The following DAO variants were observed in gnomAD, a reference collection of about 807,000 sequenced individuals.
DAO encodes D-amino-acid oxidase.
Under a neutral mutation model 50.1 loss-of-function variants are expected in DAO, and 51 were observed. The observed-to-expected ratio is 1.02, with a 90% CI of 0.81 to 1.29. The LOEUF (loss-of-function observed/expected upper bound fraction) is 1.29. DAO is among the 50% of genes most tolerant of loss of function. The pLI, the probability that DAO is intolerant of heterozygous loss-of-function variation, is 0.00. For synonymous variants in DAO, 160 were observed against 166.2 expected (o/e 0.96, Z 0.29); for missense variants, 436 against 439.4 (o/e 0.99, Z 0.07).
At chr12:108,891,846 T>A (rs1157325697) in intron 5 of DAO, among the ~76,000 whole-genome samples, 1 of 152,134 alleles carries the variant, frequency 6.6e-6, no homozygotes, top group Non-Finnish European at 1.5e-5. Flanking sequence ...GCAATCTTCC[T>A]GCCTCAGCCT....
At position 108,886,450 on chromosome 12, in the gene DAO, C is replaced by T. The variant is rs2039437040; in HGVS notation, c.195-1000C>T. Among the ~76,000 whole-genome samples, 7 of 152,066 alleles carry T rather than the reference C, an allele frequency of 4.6e-5. No individual in the cohort carries two copies. The South Asian group carries it at 1.5e-3, about 32-fold the overall frequency. On this transcript the variant is annotated intron_variant, in intron 2 of 10. Transcript: ENST00000228476. Reference sequence around the variant, plus strand: ...CCAGATGGTTCAGCAAATGGAACACCCAATGAATAGCAGCTCAAACAGATT... The same window carrying T: ...CCAGATGGTTCAGCAAATGGAACACTCAATGAATAGCAGCTCAAACAGATT...
At chr12:108,891,592 T>C (rs1407606462) in intron 5 of DAO, among the ~76,000 whole-genome samples, 1 of 152,066 alleles carries the variant, frequency 6.6e-6, no homozygotes, top group Non-Finnish European at 1.5e-5. Context: ...GTTCATAAAT[T>C]TGCTTTTTTT....
rs1267263521 is a variant in DAO, at chr12:108,881,505, ACACACG to A, written c.-10+1282_-10+1287del. On this transcript the variant is annotated intron_variant, in intron 1 of 10. Transcript: ENST00000228476. ...CACACACACACACACACACACACAC[ACACACG>A]TTGCTATAATCAGTGTCAACTTTGA... 1.8e-3 allele frequency among the ~76,000 whole-genome samples: 232 copies of A among 128,990 alleles called. 1 individual carries two copies. Among genetic ancestry groups the A allele is most frequent in the South Asian group, 8.6e-3 (31 of 3,584 alleles). The allele number at this position is 128,990 out of a possible 152,430, so 84.6% of individuals were successfully genotyped here.
intron 1 of DAO, among the ~76,000 whole-genome samples, chr12:108,881,609 T>C (rs920329773): frequency 1.5e-4 from 23 of 148,830 alleles, no homozygotes; most frequent in African/African-American, 5.2e-4. Context: ...AAATTTTTTT[T>C]TTTTTTTTTT....
At chr12:108,884,464 G>A (rs2039412430) in intron 1 of DAO, among the ~76,000 whole-genome samples, 1 of 152,204 alleles carries the variant, frequency 6.6e-6, no homozygotes, top group South Asian at 2.1e-4. Flanking sequence ...CTCACAGTAG[G>A]TGCTCCACAA....
intron 3 of DAO, 52 bp from the exon 4 acceptor site, chr12:108,889,417 A>G: frequency 7.7e-7 from 1 of 1,299,844 alleles, no homozygotes; most frequent in Non-Finnish European, 1.1e-6. Flanking sequence ...GCCCATTATC[A>G]TTATTATTGA....
At chr12:108,882,088 G>A (rs2039387624) in intron 1 of DAO, among the ~76,000 whole-genome samples, 1 of 152,150 alleles carries the variant, frequency 6.6e-6, no homozygotes, top group Admixed American at 6.6e-5. Flanking sequence ...TTACTGGCAA[G>A]CATGGCATTT....
intron 5 of DAO, among the ~76,000 whole-genome samples, chr12:108,891,375 G>A (rs754212335): frequency 2.6e-5 from 4 of 151,232 alleles, no homozygotes; most frequent in East Asian, 2.0e-4. Context: ...GCTTTATCCC[G>A]GGAAGGAGAG....
At chr12:108,881,162 TCACACACACACACA>T (rs66697500) in intron 1 of DAO, among the ~76,000 whole-genome samples, 45 of 139,330 alleles carry the variant, frequency 3.2e-4, no homozygotes, top group African/African-American at 9.6e-4. Context: ...GACATTCTAA[TCACACACACACACA>T]CACACACACA....
At position 108,898,538 on chromosome 12, in the gene DAO, G is replaced by C. The variant is rs527758752; in HGVS notation, c.696-141G>C. On this transcript the variant is annotated intron_variant, in intron 8 of 10. Transcript: ENST00000228476. ...AGTGGTGATGGAAGAGTTCGTTGTT[G>C]GTGTTGATGGTGATGACAGTGGCAA... is the stretch of plus-strand genomic sequence containing the variant. The C allele has an allele frequency of 1.5e-5, 11 of 756,614 alleles. No homozygotes were observed. In the East Asian group the frequency reaches 2.7e-4, roughly 19 times the overall value. 46.9% of individuals were successfully genotyped at this position (756,614 alleles called of 1,614,324 possible). A position where few individuals can be genotyped will look rare whatever the true frequency, so the allele number is the denominator to read the frequency against.
intron 2 of DAO, among the ~76,000 whole-genome samples, 184 bp downstream of exon 2, chr12:108,885,384 G>T (rs565459266): frequency 1.0e-3 from 156 of 152,274 alleles, no homozygotes; most frequent in Non-Finnish European, 1.8e-3. Context: ...CGAGGTGGGA[G>T]GATCACTTGA....
chr12:108,890,158 T>C (rs1409993327), intron 4 of DAO, 50 bp from the exon 5 acceptor site: 2 of 1,479,254 alleles, frequency 1.4e-6, no homozygotes, highest in Non-Finnish European at 1.9e-6. Flanking sequence ...CCTTCAAATA[T>C]AGCTCTGATT....
intron 5 of DAO, among the ~76,000 whole-genome samples, 167 bp downstream of exon 5, chr12:108,890,440 G>A (rs1380586580): frequency 1.3e-5 from 2 of 152,182 alleles, no homozygotes; most frequent in African/African-American, 4.8e-5. Context: ...GGGCACAGAG[G>A]CAATGGATCC....
intron 5 of DAO, among the ~76,000 whole-genome samples, chr12:108,892,670 G>A (rs1028742242): frequency 6.6e-6 from 1 of 152,084 alleles, no homozygotes; most frequent in Non-Finnish European, 1.5e-5. Flanking sequence ...AAGTGCTGGG[G>A]GCTAAGAGGC....
At chr12:108,884,392 A>G (rs115166621) in intron 1 of DAO, among the ~76,000 whole-genome samples, 1,784 of 152,236 alleles carry the variant, frequency 0.012, 35 homozygotes, top group African/African-American at 0.041. Flanking sequence ...CTACCTCATG[A>G]CAGTGTTGGG....
intron 1 of DAO, among the ~76,000 whole-genome samples, chr12:108,882,672 C>T (rs1244617388): frequency 6.6e-6 from 1 of 152,176 alleles, no homozygotes; most frequent in African/African-American, 2.4e-5. Context: ...TGGTCACCCT[C>T]ACTCAGTCAA....
chr12:108,883,538 C>T lies in DAO; in HGVS notation c.-9-1460C>T, dbSNP rs148134748. 796 of 446,598 alleles carry T rather than the reference C, an allele frequency of 1.8e-3. 4 individuals are homozygous for T. The highest frequency in any genetic ancestry group is 0.014 in the African/African-American group (698 of 49,946). The allele number at this position is 446,598 out of a possible 1,614,324, so 27.7% of individuals were successfully genotyped here. On this transcript the variant is annotated intron_variant, in intron 1 of 10. Coordinates refer to ENST00000228476, the MANE Select transcript of DAO (RefSeq NM_001917.5). ...GAAGGAGGCTGCTGTGTGTTGAGGGCCTACTCTGTGCCAGGCGTGGTACCA... is the reference window on the plus strand; with the variant it reads ...GAAGGAGGCTGCTGTGTGTTGAGGGTCTACTCTGTGCCAGGCGTGGTACCA...
At chr12:108,889,940 AC>A (rs1393879616) in intron 4 of DAO, among the ~76,000 whole-genome samples, 2 of 151,496 alleles carry the variant, frequency 1.3e-5, no homozygotes, top group Non-Finnish European at 2.9e-5. Context: ...TCTTCTCCTC[AC>A]CCCACCCCAC....
chr12:108,890,412 T>C, intron 5 of DAO, 139 bp downstream of exon 5: 1 of 707,918 alleles, frequency 1.4e-6, no homozygotes, highest in Non-Finnish European at 2.5e-6. Context: ...GGAGCTATCC[T>C]TGGTCCTGAT....
Sources: allele counts gnomAD v4.1 joint callset (sites outside exome capture counted in the v4.1 genomes callset), GRCh38; gene constraint gnomAD v4.1.1; transcripts MANE v1.5; gene names NCBI Gene and HGNC (gene_info 2026-07-23, HGNC 2026-07-21).